Variants in GLRX3 observed in about 807,000 individuals in gnomAD.
GLRX3 encodes glutaredoxin 3.
In GLRX3, 22 loss-of-function variants were observed where a neutral mutation model predicts 49.5. The ratio of observed to expected loss-of-function variants is 0.44; its 90% CI spans 0.32 to 0.63. The LOEUF (loss-of-function observed/expected upper bound fraction) is 0.63, where lower values mean the gene tolerates loss of function less well. GLRX3 is among the 30% of genes least tolerant of loss of function. The pLI, the probability that GLRX3 is intolerant of heterozygous loss-of-function variation, is 0.05. For missense variants in GLRX3, 385 were observed against 396.3 expected, an observed-to-expected ratio of 0.97 and a Z score of 0.24; for synonymous variants, 133 against 140.0, an observed-to-expected ratio of 0.95 and a Z score of 0.35.
In GLRX3 at chr10:130,176,131, A is replaced by AT. The variant is rs1036782429; in HGVS notation, c.957+1051dup. 2.2e-4 allele frequency among the ~76,000 whole-genome samples: 31 copies of AT among 141,540 alleles called. No individual in the cohort carries two copies. The South Asian group carries it at 2.5e-3, about 11-fold the overall frequency. 92.9% of individuals were successfully genotyped at this position (141,540 alleles called of 152,430 possible). A position where few individuals can be genotyped will look rare whatever the true frequency, so the allele number is the denominator to read the frequency against. ...ATAAAAGTTTTTTTTTTTTTTTTAC[A>AT]TTTTTTTTTGAGAGAGTTTCGCTCT... On this transcript the variant is annotated intron_variant, in intron 10 of 10. Transcript: ENST00000331244.
intron 6 of GLRX3, 106 bp from the exon 7 acceptor site, chr10:130,169,327 A>G (rs1432007831): frequency 5.4e-6 from 4 of 739,242 alleles, no homozygotes; most frequent in Non-Finnish European, 1.0e-5. Context: ...AAAGCTGTGA[A>G]CTGTCATCCT....
At chr10:130,168,125 C>T (rs1564997751) in intron 6 of GLRX3, among the ~76,000 whole-genome samples, 1 of 152,264 alleles carries the variant, frequency 6.6e-6, no homozygotes, top group South Asian at 2.1e-4. Flanking sequence ...CTTGCAGACA[C>T]CAAAGGGTAA....
intron 2 of GLRX3, among the ~76,000 whole-genome samples, chr10:130,150,165 A>G (rs1862345855): frequency 1.3e-5 from 2 of 150,174 alleles, no homozygotes; most frequent in African/African-American, 2.4e-5. Flanking sequence ...GCTTGAACCC[A>G]GGAGGCGGAG....
At chr10:130,174,196 T>C (rs1278023199) in intron 8 of GLRX3, among the ~76,000 whole-genome samples, 1 of 152,232 alleles carries the variant, frequency 6.6e-6, no homozygotes, top group African/African-American at 2.4e-5. Context: ...GAAATAAGTT[T>C]AAGTGTGGAA....
intron 1 of GLRX3, among the ~76,000 whole-genome samples, chr10:130,139,884 C>T (rs937522973): frequency 3.9e-5 from 6 of 152,048 alleles, no homozygotes; most frequent in Admixed American, 1.3e-4. Context: ...AGCTATGATC[C>T]TGCCACTGTA....
chr10:130,171,508 G>T lies in GLRX3; in HGVS notation c.772-76G>T. 3 of 842,834 alleles carry T rather than the reference G, an allele frequency of 3.6e-6. No homozygotes were observed. In the South Asian group the frequency reaches 4.0e-5, roughly 11 times the overall value. 52.2% of individuals were successfully genotyped at this position (842,834 alleles called of 1,614,324 possible). A position where few individuals can be genotyped will look rare whatever the true frequency, so the allele number is the denominator to read the frequency against. On this transcript the variant is annotated intron_variant, in intron 7 of 10. Transcript: ENST00000331244. ...ATGCTGGACAAGTGCTGTGCTGGTT[G>T]ACAAGAGTATTAGGTACAACCATGC... is the stretch of plus-strand genomic sequence containing the variant.
chr10:130,146,339 G>C (rs967864224), intron 2 of GLRX3, among the ~76,000 whole-genome samples: 1 of 152,210 alleles, frequency 6.6e-6, no homozygotes, highest in African/African-American at 2.4e-5. Flanking sequence ...TGCTATCTTG[G>C]TTTAGATGAA....
rs1862988051 is a variant in GLRX3 at position 130,179,597 on chromosome 10, AATT to A, written c.*210_*212del. The A allele has an allele frequency of 5.9e-6, 3 of 510,136 alleles. No individual in the cohort carries two copies. Among genetic ancestry groups the A allele is most frequent in the South Asian group, 5.2e-5 (2 of 38,432 alleles). 31.6% of individuals were successfully genotyped at this position (510,136 alleles called of 1,614,324 possible). A position where few individuals can be genotyped will look rare whatever the true frequency, so the allele number is the denominator to read the frequency against. ...AAATAGAATGCAATAAACATCTTCA[AATT>A]ATTAACAATAATTGTATGAAAAAAG... is the stretch of plus-strand genomic sequence containing the variant. On this transcript the variant is annotated 3_prime_UTR_variant, in exon 11 of 11. Coordinates refer to ENST00000331244, the MANE Select transcript of GLRX3 (RefSeq NM_006541.5).
At chr10:130,169,588 A>G in intron 7 of GLRX3, 98 bp downstream of exon 7, 1 of 785,832 alleles carries the variant, frequency 1.3e-6, no homozygotes. Flanking sequence ...TAGCTAATGA[A>G]GCTGTAGCGA....
At chr10:130,166,359 A>G (rs2134912577) in intron 4 of GLRX3, 148 bp from the exon 5 acceptor site, 2 of 557,094 alleles carry the variant, frequency 3.6e-6, no homozygotes, top group South Asian at 2.8e-5. Context: ...CTCTTTGTAT[A>G]TTATTCAGCC....
At chr10:130,144,704 G>T (rs1862239314) in intron 1 of GLRX3, among the ~76,000 whole-genome samples, 1 of 152,132 alleles carries the variant, frequency 6.6e-6, no homozygotes. Flanking sequence ...TATCCAGTCT[G>T]TCATTGACAG....
intron 4 of GLRX3, among the ~76,000 whole-genome samples, chr10:130,162,930 T>G (rs1460063962): frequency 6.6e-6 from 1 of 152,238 alleles, no homozygotes; most frequent in African/African-American, 2.4e-5. Context: ...CTTTTCAGTG[T>G]AGATATTGTA....
At chr10:130,137,326 A>G (rs543200762) in intron 1 of GLRX3, among the ~76,000 whole-genome samples, 31 of 152,356 alleles carry the variant, frequency 2.0e-4, no homozygotes, top group Admixed American at 4.6e-4. Flanking sequence ...GCTTACGAGT[A>G]AATGCTTACT....
At chr10:130,169,627 G>C (rs1862765827) in intron 7 of GLRX3, 137 bp downstream of exon 7, 3 of 633,446 alleles carry the variant, frequency 4.7e-6, no homozygotes, top group Non-Finnish European at 8.6e-6. Flanking sequence ...GCCTTAATTG[G>C]TGCTTACGGA....
chr10:130,176,620 C>T (rs1862925301), intron 10 of GLRX3, among the ~76,000 whole-genome samples: 1 of 152,058 alleles, frequency 6.6e-6, no homozygotes. Flanking sequence ...ACTTCTTAAA[C>T]AAGCCAGTGA....
Position 130,145,240 on chromosome 10 carries a change from C to A in GLRX3, c.122C>A (p.Pro41Gln). ...CTCCTTGTGGTCCATTTCTGGGCAC[C>A]ATGGGCTCCACAGTGTGCACAGATG... ...KSLLVVHFWA[P>Q]WAPQCAQMNE... The change falls in exon 2 of 11, where the codon CCA becomes CAA. Residue 41 changes from proline to glutamine, a missense_variant. Pro to Gln is a moderately conservative substitution (Grantham distance 76, BLOSUM62 -1). This residue lies in a region of GLRX3 where 374 missense variants were observed against 358.6 expected (regional missense o/e 1.04). Coordinates refer to ENST00000331244, the MANE Select transcript of GLRX3 (RefSeq NM_006541.5). The A allele has an allele frequency of 6.6e-7, 1 of 1,523,634 alleles. No individual in the cohort carries two copies. The highest frequency in any genetic ancestry group is 9.0e-7 in the Non-Finnish European group (1 of 1,105,700). 94.4% of individuals were successfully genotyped at this position (1,523,634 alleles called of 1,614,324 possible).
chr10:130,171,850 T>C (rs1294840518), intron 8 of GLRX3, among the ~76,000 whole-genome samples: 2 of 152,072 alleles, frequency 1.3e-5, no homozygotes, highest in Non-Finnish European at 2.9e-5. Context: ...TCTATGGTCC[T>C]AGCTACTTGA....
intron 10 of GLRX3, among the ~76,000 whole-genome samples, chr10:130,176,374 C>T (rs1862920598): frequency 6.6e-6 from 1 of 152,144 alleles, no homozygotes; most frequent in African/African-American, 2.4e-5. Context: ...CCCACCTTGG[C>T]CTCCCAAAGT....
chr10:130,171,121 A>AAATAAAT (rs1862798512), intron 7 of GLRX3, among the ~76,000 whole-genome samples: 1 of 151,256 alleles, frequency 6.6e-6, no homozygotes. Context: ...TCTGTCTCAA[A>AAATAAAT]AAATAAATAA....
Sources: gnomAD v4.1 joint callset for allele counts (sites outside exome capture counted in the v4.1 genomes callset) on GRCh38, gnomAD v4.1.1 for gene constraint, gnomAD v4.1.1 regional missense constraint, MANE v1.5 for transcripts, NCBI Gene and HGNC (gene_info 2026-07-23, HGNC 2026-07-21) for gene names.